The following RBFOX1 variants were observed in gnomAD, a reference collection of about 807,000 sequenced individuals.
RBFOX1 encodes RNA binding protein fox-1 homolog 1.
In RBFOX1, 8 loss-of-function variants were observed where a neutral mutation model predicts 57.7. The ratio of observed to expected loss-of-function variants is 0.14; its 90% confidence interval spans 0.08 to 0.25. The LOEUF (loss-of-function observed/expected upper bound fraction) is 0.25. RBFOX1 is among the 10% of genes least tolerant of loss of function. The pLI, the probability that RBFOX1 is intolerant of heterozygous loss-of-function variation, is 1.00. For synonymous variants in RBFOX1, 326 were observed against 222.4 expected, an observed-to-expected ratio of 1.47 and a Z score of -4.15; for missense variants, 611 against 548.5, an observed-to-expected ratio of 1.11 and a Z score of -1.14.
intron 9 of RBFOX1, among the ~76,000 whole-genome samples, chr16:7,606,766 C>G (rs2095301910): frequency 1.3e-5 from 2 of 152,124 alleles, no homozygotes; most frequent in South Asian, 4.2e-4. Flanking sequence ...CAGTAAATCT[C>G]TAGGGGATAA....
At chr16:7,419,756 G>T (rs1041803355) in intron 4 of RBFOX1, among the ~76,000 whole-genome samples, 2 of 152,180 alleles carry the variant, frequency 1.3e-5, no homozygotes, top group African/African-American at 4.8e-5. Context: ...AATTTTCCGT[G>T]GCACCTCCTA....
chr16:6,546,583 T>A (rs879665360), intron 2 of RBFOX1, among the ~76,000 whole-genome samples: 1 of 152,220 alleles, frequency 6.6e-6, no homozygotes, highest in Non-Finnish European at 1.5e-5. Flanking sequence ...TTTCACATCA[T>A]CTTCCTTCTG....
intron 3 of RBFOX1, among the ~76,000 whole-genome samples, chr16:6,908,912 C>A (rs1368965955): frequency 1.3e-5 from 2 of 152,190 alleles, no homozygotes; most frequent in Non-Finnish European, 2.9e-5. Context: ...GCATTCATGA[C>A]TGCAGCTGCT....
intron 2 of RBFOX1, among the ~76,000 whole-genome samples, chr16:5,537,547 G>A (rs1054174887): frequency 6.6e-6 from 1 of 152,210 alleles, no homozygotes; most frequent in Non-Finnish European, 1.5e-5. Flanking sequence ...TATATGTGTT[G>A]TTGGTAGAAA....
chr16:7,302,785 C>T (rs2096065279), intron 4 of RBFOX1, among the ~76,000 whole-genome samples: 1 of 144,182 alleles, frequency 6.9e-6, no homozygotes, highest in Non-Finnish European at 1.5e-5. Context: ...GAGTTAGAGT[C>T]TTAATATTTT....
At chr16:6,927,008 A>T (rs776768759) in intron 3 of RBFOX1, among the ~76,000 whole-genome samples, 1 of 152,018 alleles carries the variant, frequency 6.6e-6, no homozygotes, top group Non-Finnish European at 1.5e-5. Flanking sequence ...AGCAATTGCT[A>T]CTCAACCAGC....
upstream of RBFOX1, among the ~76,000 whole-genome samples, chr16:6,015,551 T>C (rs2094988316): frequency 6.6e-6 from 1 of 152,244 alleles, no homozygotes; most frequent in South Asian, 2.1e-4. Flanking sequence ...TTCCAGCTTC[T>C]ACTCTCTTGG....
chr16:6,617,831 C>G (rs2098165901), intron 2 of RBFOX1, among the ~76,000 whole-genome samples: 1 of 152,128 alleles, frequency 6.6e-6, no homozygotes, highest in Non-Finnish European at 1.5e-5. Flanking sequence ...TAGAGAATTC[C>G]TCCTTGAGGA....
intron 3 of RBFOX1, among the ~76,000 whole-genome samples, chr16:6,883,809 T>C (rs1220959343): frequency 6.6e-6 from 1 of 152,098 alleles, no homozygotes; most frequent in East Asian, 1.9e-4. Context: ...TTTTTTTCTT[T>C]TCTCTATTAT....
At chr16:6,865,627 C>G (rs141954441) in intron 3 of RBFOX1, among the ~76,000 whole-genome samples, 380 of 152,230 alleles carry the variant, frequency 2.5e-3, no homozygotes, top group African/African-American at 8.6e-3. Flanking sequence ...ATACTATGGA[C>G]TGAGATGTAT....
At chr16:6,335,472 G>A (rs959014538) in intron 2 of RBFOX1, among the ~76,000 whole-genome samples, 24 of 152,088 alleles carry the variant, frequency 1.6e-4, no homozygotes, top group African/African-American at 5.6e-4. Context: ...AATGAGAAAT[G>A]CAGTAAATAT....
At chr16:7,251,871 A>T (rs1418280514) in intron 4 of RBFOX1, among the ~76,000 whole-genome samples, 11 of 152,226 alleles carry the variant, frequency 7.2e-5, no homozygotes, top group Non-Finnish European at 1.6e-4. Context: ...TTGCTGGAGC[A>T]TATGGTAGTT....
intron 2 of RBFOX1, among the ~76,000 whole-genome samples, chr16:6,460,209 G>A (rs998363494): frequency 6.6e-6 from 1 of 151,858 alleles, no homozygotes; most frequent in African/African-American, 2.4e-5. Flanking sequence ...GGTTCCATTG[G>A]TTCTCTCTCC....
intron 1 of RBFOX1, among the ~76,000 whole-genome samples, chr16:6,085,650 T>TGTG (rs2096073052): frequency 1.3e-5 from 2 of 150,488 alleles, no homozygotes; most frequent in Admixed American, 6.6e-5. Flanking sequence ...CAGTGTGTGT[T>TGTG]TGTGTGTGTG....
chr16:7,048,348 C>T (rs2048772103), intron 3 of RBFOX1, among the ~76,000 whole-genome samples: 1 of 152,118 alleles, frequency 6.6e-6, no homozygotes, highest in Non-Finnish European at 1.5e-5. Flanking sequence ...CAACCTCTGC[C>T]TCCCAGGTTC....
At chr16:7,345,303 G>A (rs2096975709) in intron 4 of RBFOX1, among the ~76,000 whole-genome samples, 1 of 152,090 alleles carries the variant, frequency 6.6e-6, no homozygotes, top group African/African-American at 2.4e-5. Context: ...GGCGAGCAGT[G>A]TAAACACTGA....
intron 4 of RBFOX1, among the ~76,000 whole-genome samples, chr16:5,982,397 C>T (rs536704672): frequency 6.6e-6 from 1 of 152,226 alleles, no homozygotes; most frequent in East Asian, 1.9e-4. Flanking sequence ...TCCTCAGCCT[C>T]CCAAGTAGCT....
At chr16:7,078,009 A>G (rs2058572712) in intron 4 of RBFOX1, among the ~76,000 whole-genome samples, 1 of 152,122 alleles carries the variant, frequency 6.6e-6, no homozygotes, top group Non-Finnish European at 1.5e-5. Context: ...CGGTGAATGG[A>G]GCATTACCTC....
chr16:7,075,053 A>T (rs184866653), intron 4 of RBFOX1, among the ~76,000 whole-genome samples: 29 of 152,322 alleles, frequency 1.9e-4, no homozygotes, highest in African/African-American at 7.0e-4. Context: ...AAAGCGTAAA[A>T]GCAACATACG....
Sources: gnomAD v4.1 joint callset for allele counts (sites outside exome capture counted in the v4.1 genomes callset) on GRCh38, gnomAD v4.1.1 for gene constraint, MANE v1.5 for transcripts, NCBI Gene and HGNC (gene_info 2026-07-23, HGNC 2026-07-21) for gene names.